Variants in OTC observed in about 807,000 individuals in gnomAD.
OTC encodes ornithine transcarbamylase, also known as ornithine transcarbamylase, mitochondrial.
In OTC, 3 loss-of-function variants were observed where a neutral mutation model predicts 30.3. That is an observed-to-expected ratio of 0.10 (90% CI 0.05 to 0.26). The LOEUF is 0.26. Ranked by LOEUF, OTC falls within the 10% of genes least tolerant of loss-of-function variation. OTC has a pLI of 1.00. For synonymous variants in OTC, 111 were observed against 99.7 expected, an observed-to-expected ratio of 1.11 and a Z score of -0.67; for missense variants, 194 against 260.3, an observed-to-expected ratio of 0.75 and a Z score of 1.75.
At chrX:38,374,627 T>C (rs1277661177) in intron 3 of OTC, among the ~76,000 whole-genome samples, 1 of 111,527 alleles carries the variant, frequency 9.0e-6, no homozygotes, top group Admixed American at 9.6e-5. Flanking sequence ...ATCTTCTGTA[T>C]AGCACAAACA....
intron 4 of OTC, among the ~76,000 whole-genome samples, chrX:38,385,079 G>A (rs2068396024): frequency 9.0e-6 from 1 of 111,011 alleles, no homozygotes; most frequent in Non-Finnish European, 1.9e-5. Flanking sequence ...GGACCAGCCT[G>A]GCCAACATGG....
intron 4 of OTC, among the ~76,000 whole-genome samples, chrX:38,387,918 A>G (rs185818120): frequency 1.8e-3 from 197 of 111,356 alleles, no homozygotes; most frequent in African/African-American, 6.1e-3. Flanking sequence ...TCAGCATAAA[A>G]CATAGTGCAT....
the OTC span, among the ~76,000 whole-genome samples, chrX:38,340,478 T>TTG: frequency 9.6e-6 from 1 of 104,325 alleles, no homozygotes; most frequent in Non-Finnish European, 2.0e-5. Flanking sequence ...TTTTTGTTTT[T>TTG]TTTTTTTTTT....
At chrX:38,404,969 C>G (rs1210918300) in intron 6 of OTC, among the ~76,000 whole-genome samples, 1 of 111,634 alleles carries the variant, frequency 9.0e-6, no homozygotes, top group Non-Finnish European at 1.9e-5. Context: ...CTAAAGTTAT[C>G]CCAGCATTGG....
chrX:38,383,846 C>A (rs2068389031), intron 4 of OTC, among the ~76,000 whole-genome samples: 1 of 108,634 alleles, frequency 9.2e-6, no homozygotes, highest in Non-Finnish European at 1.9e-5. Flanking sequence ...AAAACATTGA[C>A]AACATTGACT....
chrX:38,389,351 G>A (rs748655588), intron 4 of OTC, among the ~76,000 whole-genome samples: 48 of 108,715 alleles, frequency 4.4e-4, no homozygotes, highest in Admixed American at 1.2e-3. Flanking sequence ...TTGTGGATGA[G>A]GCCCAATCCT....
intron 4 of OTC, among the ~76,000 whole-genome samples, chrX:38,398,204 A>G (rs1301940988): frequency 8.9e-6 from 1 of 111,804 alleles, no homozygotes; most frequent in East Asian, 2.8e-4. Flanking sequence ...GACTTCTCCA[A>G]TTGTTCTGCT....
chrX:38,330,268 A>G, the OTC span, among the ~76,000 whole-genome samples: 1 of 111,949 alleles, frequency 8.9e-6, no homozygotes. Flanking sequence ...ATGCTCCCCA[A>G]GAGTCTCCAG....
chrX:38,382,260 T>C (rs185112401), intron 4 of OTC, among the ~76,000 whole-genome samples: 10 of 112,248 alleles, frequency 8.9e-5, no homozygotes, highest in African/African-American at 2.9e-4. Context: ...TATATTATAA[T>C]GAAACTGAAG....
At chrX:38,420,937 C>T in intron 9 of OTC, 86 bp from the exon 10 acceptor site, 1 of 669,160 alleles carries the variant, frequency 1.5e-6, no homozygotes, top group Non-Finnish European at 2.4e-6. Flanking sequence ...CCCTGCAAAG[C>T]TGAAACCTAA....
At chrX:38,385,888 A>G (rs2068400243) in intron 4 of OTC, among the ~76,000 whole-genome samples, 1 of 111,184 alleles carries the variant, frequency 9.0e-6, no homozygotes, top group East Asian at 2.8e-4. Context: ...TGAGGTCAGG[A>G]GTTTGAGACC....
At chrX:38,404,312 G>A (rs1049109049) in intron 6 of OTC, among the ~76,000 whole-genome samples, 3 of 111,864 alleles carry the variant, frequency 2.7e-5, no homozygotes, top group African/African-American at 9.8e-5. Context: ...CAGCATGTAT[G>A]GAATACATGA....
intron 5 of OTC, among the ~76,000 whole-genome samples, chrX:38,402,178 A>T (rs993543694): frequency 3.6e-5 from 4 of 112,483 alleles, no homozygotes; most frequent in Non-Finnish European, 7.5e-5. Flanking sequence ...AACACTTTGG[A>T]CATGAGGATG....
At chrX:38,367,174 C>CAA (rs755821521) in intron 1 of OTC, 117 bp from the exon 2 acceptor site, 693 of 493,256 alleles carry the variant, frequency 1.4e-3, no homozygotes, top group African/African-American at 1.6e-3. Flanking sequence ...GAACCTGTCT[C>CAA]AAAAAAAAAA....
At chrX:38,383,815 CAA>C (rs748723759) in intron 4 of OTC, among the ~76,000 whole-genome samples, 4 of 65,213 alleles carry the variant, frequency 6.1e-5, no homozygotes, top group African/African-American at 1.0e-4. Context: ...AAAGAAAAGA[CAA>C]AAAAAAAAAA....
intron 4 of OTC, among the ~76,000 whole-genome samples, chrX:38,387,361 T>C (rs2068409230): frequency 8.9e-6 from 1 of 112,325 alleles, no homozygotes; most frequent in East Asian, 2.8e-4. Context: ...ATTTTAAAAA[T>C]TAGATCATAA....
At chrX:38,369,270 T>C (rs1421597089) in intron 2 of OTC, among the ~76,000 whole-genome samples, 1 of 112,012 alleles carries the variant, frequency 8.9e-6, no homozygotes, top group Non-Finnish European at 1.9e-5. Context: ...TAATACTGCT[T>C]TCTAATTACA....
At chrX:38,414,536 T>A (rs1226364180) in intron 9 of OTC, among the ~76,000 whole-genome samples, 1 of 111,928 alleles carries the variant, frequency 8.9e-6, no homozygotes, top group Non-Finnish European at 1.9e-5. Flanking sequence ...CTGGGAGTGA[T>A]GAGACTTGAC....
At chrX:38,329,798 A>G in the OTC span, among the ~76,000 whole-genome samples, 2 of 111,533 alleles carry the variant, frequency 1.8e-5, no homozygotes, top group East Asian at 5.7e-4. Flanking sequence ...TCATTTACAT[A>G]GTAACCAATG....
Sources: allele counts gnomAD v4.1 joint callset (sites outside exome capture counted in the v4.1 genomes callset), GRCh38; gene constraint gnomAD v4.1.1; transcripts MANE v1.5; gene names NCBI Gene and HGNC (gene_info 2026-07-23, HGNC 2026-07-21).